The following KBTBD3 variants were observed in gnomAD, a reference collection of about 807,000 sequenced individuals.
KBTBD3 encodes the protein kelch repeat and BTB domain containing 3, also known as kelch repeat and BTB domain-containing protein 3.
Under a neutral mutation model 49.6 loss-of-function variants are expected in KBTBD3, and 38 were observed. The observed-to-expected ratio is 0.77, with a 90% CI of 0.59 to 1.00. The LOEUF (loss-of-function observed/expected upper bound fraction) is 1.00, where lower values mean the gene tolerates loss of function less well. KBTBD3 is among the 50% of genes least tolerant of loss of function. The pLI is 0.00. For synonymous variants in KBTBD3, 214 were observed against 250.4 expected, an observed-to-expected ratio of 0.85 and a Z score of 1.37; for missense variants, 661 against 712.0, an observed-to-expected ratio of 0.93 and a Z score of 0.81.
chr11:106,063,917 G>C (rs9666746), intron 2 of KBTBD3, among the ~76,000 whole-genome samples: 1 of 152,168 alleles, frequency 6.6e-6, no homozygotes, highest in Admixed American at 6.5e-5. Flanking sequence ...GTGACAGAGA[G>C]AGACTCTGTC....
chr11:106,053,326 C>CA lies in KBTBD3; in HGVS notation c.1362dup (p.Val455CysfsTer16). On this transcript the variant is annotated frameshift_variant, in exon 4 of 4. Transcript: ENST00000531837. LOFTEE classifies it high-confidence loss of function. Reference sequence around the variant, plus strand: ...ACCTCTGATCCAAGAACATAAATTACATTTTGGCATGTGCTTGCTTCTGGA... The same window carrying CA: ...ACCTCTGATCCAAGAACATAAATTACAATTTTGGCATGTGCTTGCTTCTGGA... 6.2e-7 allele frequency: 1 copy of CA among 1,613,330 alleles called. No individual in the cohort carries two copies. Among genetic ancestry groups the CA allele is most frequent in the Non-Finnish European group, 8.5e-7 (1 of 1,179,800 alleles).
intron 2 of KBTBD3, among the ~76,000 whole-genome samples, chr11:106,069,607 A>G (rs942370238): frequency 2.6e-5 from 4 of 151,968 alleles, no homozygotes; most frequent in Admixed American, 1.3e-4. Context: ...AAAAAAAAAT[A>G]AAAGAAGACT....
chr11:106,058,739 T>A (rs1481374880), intron 3 of KBTBD3, 126 bp downstream of exon 3: 2 of 685,634 alleles, frequency 2.9e-6, no homozygotes, highest in Non-Finnish European at 4.8e-6. Context: ...AGGTTTTGTT[T>A]TTGTTTTTTT....
At position 106,054,149 on chromosome 11, in the gene KBTBD3, G is replaced by T; in HGVS notation, c.540C>A (p.His180Gln). Residue 180 changes from histidine to glutamine, a missense_variant, in exon 4 of 4, where the codon CAC (histidine) becomes CAA (glutamine). By Grantham distance (24) the His-to-Gln change is conservative. Transcript: ENST00000531837. ...FDHALHFVQHHFSLLFKSSDF... is the reference protein window; with the variant it reads ...FDHALHFVQHQFSLLFKSSDF... ...CACTGGATTTAAATAATAAAGAAAAGTGATGTTGTACAAAGTGTAATGCAT... is the reference window on the plus strand; with the variant it reads ...CACTGGATTTAAATAATAAAGAAAATTGATGTTGTACAAAGTGTAATGCAT... 6.2e-7 allele frequency: 1 copy of T among 1,613,006 alleles called. No homozygotes were observed. Among genetic ancestry groups the T allele is most frequent in the South Asian group, 1.1e-5 (1 of 91,012 alleles).
intron 2 of KBTBD3, among the ~76,000 whole-genome samples, chr11:106,074,728 G>A (rs1487417558): frequency 6.6e-6 from 1 of 152,198 alleles, no homozygotes; most frequent in Non-Finnish European, 1.5e-5. Flanking sequence ...GATGAAAAAT[G>A]ATGGTGGGTT....
At chr11:106,070,948 A>C (rs1860905757) in intron 2 of KBTBD3, among the ~76,000 whole-genome samples, 1 of 152,062 alleles carries the variant, frequency 6.6e-6, no homozygotes, top group South Asian at 2.1e-4. Context: ...AATTACAAGA[A>C]ACTACACACA....
chr11:106,072,270 A>G (rs1246693198), intron 2 of KBTBD3, among the ~76,000 whole-genome samples: 1 of 151,872 alleles, frequency 6.6e-6, no homozygotes, highest in Non-Finnish European at 1.5e-5. Flanking sequence ...AAATCAATGA[A>G]AAGACACTTT....
chr11:106,052,860 A>G lies in KBTBD3; in HGVS notation c.1829T>C (p.Leu610Pro), dbSNP rs1237043965. 5 of 1,609,546 alleles carry G rather than the reference A, an allele frequency of 3.1e-6. No individual in the cohort carries two copies. The highest frequency in any genetic ancestry group is 3.4e-6 in the Non-Finnish European group (4 of 1,177,850). ...CTCGTTTTAGAATGTTCAAGCACAT[A>G]GATTAGAAAACCATGGGTCTCTGTA... is the stretch of plus-strand genomic sequence containing the variant. ...NKYRDPWFSN[L>P]CA The change falls in exon 4 of 4, where the codon CTA (leucine) becomes CCA (proline). Residue 610 changes from leucine (L) to proline (P), a missense_variant. Transcript: ENST00000531837.
At chr11:106,070,466 T>C (rs1052426520) in intron 2 of KBTBD3, among the ~76,000 whole-genome samples, 6 of 152,116 alleles carry the variant, frequency 3.9e-5, no homozygotes, top group South Asian at 2.1e-4. Flanking sequence ...AAAGAGAATA[T>C]ACAGATGGCA....
At chr11:106,056,984 TTAAC>T (rs966578930) in intron 3 of KBTBD3, among the ~76,000 whole-genome samples, 94 of 152,216 alleles carry the variant, frequency 6.2e-4, no homozygotes, top group African/African-American at 2.2e-3. Context: ...ACAACTTTGA[TTAAC>T]TGAGAGAAGA....
At chr11:106,075,406 C>A (rs1445185853) in intron 2 of KBTBD3, 1 of 152,128 alleles carries the variant, frequency 6.6e-6, no homozygotes, top group African/African-American at 2.4e-5. Flanking sequence ...AACATTTACT[C>A]ATGTATACTA....
intron 2 of KBTBD3, among the ~76,000 whole-genome samples, chr11:106,062,177 G>T (rs1233558557): frequency 6.6e-6 from 1 of 152,060 alleles, no homozygotes; most frequent in Non-Finnish European, 1.5e-5. Context: ...ACTATGAATA[G>T]GGAGACATAT....
At position 106,053,190 on chromosome 11, in the gene KBTBD3, G is replaced by T; in HGVS notation, c.1499C>A (p.Thr500Lys). 1 of 1,613,534 alleles carries T rather than the reference G, an allele frequency of 6.2e-7. No homozygotes were observed. Among genetic ancestry groups the T allele is most frequent in the Non-Finnish European group, 8.5e-7 (1 of 1,179,764 alleles). ...VAEFGQFFHA[T>K]LIKAVPVNCT... is the part of the protein sequence containing the mutation. ...GTTTACTGGTACAGCTTTAATTAATGTTGCATGAAAAAATTGCCCAAACTC... is the reference window on the plus strand; with the variant it reads ...GTTTACTGGTACAGCTTTAATTAATTTTGCATGAAAAAATTGCCCAAACTC... Residue 500 changes from threonine to lysine, a missense_variant, in exon 4 of 4, where the codon ACA becomes AAA. By Grantham distance (78) the Thr-to-Lys change is moderately conservative. Transcript: ENST00000531837.
intron 2 of KBTBD3, among the ~76,000 whole-genome samples, chr11:106,062,542 A>G (rs1375461998): frequency 6.6e-6 from 1 of 152,214 alleles, no homozygotes; most frequent in Non-Finnish European, 1.5e-5. Flanking sequence ...TTTGAGTCCA[A>G]TGGCAGGAAA....
intron 2 of KBTBD3, among the ~76,000 whole-genome samples, chr11:106,062,135 T>G (rs1307835314): frequency 6.6e-6 from 1 of 152,064 alleles, no homozygotes; most frequent in Non-Finnish European, 1.5e-5. Flanking sequence ...AAGTGACTTG[T>G]AGAAATCATT....
At chr11:106,063,219 C>T (rs565596562) in intron 2 of KBTBD3, among the ~76,000 whole-genome samples, 1 of 152,348 alleles carries the variant, frequency 6.6e-6, no homozygotes, top group Admixed American at 6.5e-5. Context: ...AAACAGCCAA[C>T]CAACCTGCTG....
intron 2 of KBTBD3, chr11:106,075,973 T>C (rs1035557428): frequency 6.6e-6 from 1 of 152,198 alleles, no homozygotes; most frequent in African/African-American, 2.4e-5. Flanking sequence ...TCTGAGCTCA[T>C]TGTCTCCATC....
chr11:106,065,735 T>C (rs1287078626), intron 2 of KBTBD3, among the ~76,000 whole-genome samples: 1 of 151,974 alleles, frequency 6.6e-6, no homozygotes, highest in Non-Finnish European at 1.5e-5. Flanking sequence ...CTGAGGCAGG[T>C]GGATCACCAG....
At chr11:106,058,822 T>C (rs1208061328) in intron 3 of KBTBD3, 43 bp downstream of exon 3, 2 of 1,132,142 alleles carry the variant, frequency 1.8e-6, no homozygotes, top group Non-Finnish European at 2.6e-6. Flanking sequence ...TAGAACTTAA[T>C]TATCCAAATC....
Sources: gnomAD v4.1 joint callset for allele counts (sites outside exome capture counted in the v4.1 genomes callset) on GRCh38, gnomAD v4.1.1 for gene constraint, MANE v1.5 for transcripts, NCBI Gene and HGNC (gene_info 2026-07-23, HGNC 2026-07-21) for gene names.